Variants in C8orf34 observed in about 807,000 individuals in gnomAD.
C8orf34 encodes the protein chromosome 8 open reading frame 34.
C8orf34 carries 65 observed loss-of-function variants against 68.3 expected under a neutral mutation model. The observed-to-expected ratio is 0.95, with a 90% CI of 0.78 to 1.17. The LOEUF (loss-of-function observed/expected upper bound fraction) is 1.17. Ranked by LOEUF, C8orf34 falls within the 50% of genes most tolerant of loss-of-function variation. The pLI, the probability that C8orf34 is intolerant of heterozygous loss-of-function variation, is 0.00. For synonymous variants in C8orf34, 244 were observed against 241.2 expected, an observed-to-expected ratio of 1.01 and a Z score of -0.11; for missense variants, 664 against 655.4, an observed-to-expected ratio of 1.01 and a Z score of -0.14.
chr8:68,555,189 C>A (rs1288831407), intron 7 of C8orf34, among the ~76,000 whole-genome samples: 1 of 152,096 alleles, frequency 6.6e-6, no homozygotes, highest in African/African-American at 2.4e-5. Flanking sequence ...AGACAGAAAG[C>A]CATTGTTTCA....
chr8:68,590,008 A>T (rs1160231257), intron 7 of C8orf34, among the ~76,000 whole-genome samples: 1 of 151,224 alleles, frequency 6.6e-6, no homozygotes, highest in Non-Finnish European at 1.5e-5. Flanking sequence ...AAAATAAGAA[A>T]AAATTTTTAA....
intron 10 of C8orf34, among the ~76,000 whole-genome samples, chr8:68,734,836 G>A (rs1464876905): frequency 1.3e-5 from 2 of 152,118 alleles, no homozygotes; most frequent in Non-Finnish European, 2.9e-5. Flanking sequence ...CACTCTGGGC[G>A]GCCAGACCTT....
At chr8:68,387,832 T>C (rs147306987) in intron 1 of C8orf34, among the ~76,000 whole-genome samples, 32 of 152,258 alleles carry the variant, frequency 2.1e-4, no homozygotes, top group African/African-American at 7.5e-4. Flanking sequence ...CTCTACAGTG[T>C]TTTTTTCTTT....
intron 1 of C8orf34, among the ~76,000 whole-genome samples, chr8:68,424,047 C>A (rs955410399): frequency 1.3e-5 from 2 of 152,094 alleles, no homozygotes; most frequent in African/African-American, 4.8e-5. Context: ...CAGAGCCACA[C>A]CATATCACCT....
chr8:68,507,842 G>A (rs919892144), intron 5 of C8orf34, among the ~76,000 whole-genome samples: 1 of 152,088 alleles, frequency 6.6e-6, no homozygotes, highest in African/African-American at 2.4e-5. Context: ...TTCTTCTTAT[G>A]TGAAAAACTA....
chr8:68,472,328 C>A (rs1812415557), intron 4 of C8orf34, among the ~76,000 whole-genome samples: 1 of 152,174 alleles, frequency 6.6e-6, no homozygotes, highest in Admixed American at 6.6e-5. Flanking sequence ...TTGCCCCCAT[C>A]TCAATAGTCA....
chr8:68,543,132 A>G (rs1815754955), intron 7 of C8orf34, among the ~76,000 whole-genome samples: 1 of 152,100 alleles, frequency 6.6e-6, no homozygotes, highest in Non-Finnish European at 1.5e-5. Context: ...TCGATATTCA[A>G]ATATGCATAT....
At chr8:68,653,031 T>A (rs1319830249) in intron 8 of C8orf34, among the ~76,000 whole-genome samples, 1 of 152,336 alleles carries the variant, frequency 6.6e-6, no homozygotes, top group East Asian at 1.9e-4. Flanking sequence ...CAGAAAATTC[T>A]TTTTCTACTA....
chr8:68,790,121 A>G (rs1411893559), intron 12 of C8orf34, among the ~76,000 whole-genome samples: 6 of 152,210 alleles, frequency 3.9e-5, no homozygotes, highest in Non-Finnish European at 5.9e-5. Context: ...GCTTCCATCA[A>G]CCAGGTGCTG....
intron 10 of C8orf34, among the ~76,000 whole-genome samples, chr8:68,739,141 T>C (rs12550386): frequency 0.19 from 28,180 of 152,052 alleles, 2,864 homozygotes; most frequent in Middle Eastern, 0.3. Flanking sequence ...GTTCAACATA[T>C]GCAAATCAAT....
chr8:68,331,005 C>T lies in C8orf34; in HGVS notation c.-8C>T. ...GCGAGGGTGGGCGCGAGGCGGAGAA[C>T]GCGATGAATGAGTTCTCCCCTCGCC... On this transcript the variant is annotated 5_prime_UTR_variant, in exon 1 of 14. It adds an upstream start codon to the 5' untranslated region. Coordinates refer to ENST00000518698, the MANE Select transcript of C8orf34 (RefSeq NM_052958.4). The T allele has an allele frequency of 2.1e-6, 3 of 1,402,532 alleles. No individual in the cohort carries two copies. The highest frequency in any genetic ancestry group is 3.5e-5 in the Admixed American group (1 of 28,180). 86.9% of individuals were successfully genotyped at this position (1,402,532 alleles called of 1,614,324 possible).
intron 8 of C8orf34, among the ~76,000 whole-genome samples, chr8:68,675,027 T>G (rs1820138773): frequency 2.0e-5 from 3 of 152,106 alleles, no homozygotes; most frequent in Non-Finnish European, 2.9e-5. Context: ...AAGTGAAAAC[T>G]TTTACCCTAG....
At chr8:68,592,593 CTTCTTT>C (rs758124668) in intron 7 of C8orf34, among the ~76,000 whole-genome samples, 3,540 of 116,704 alleles carry the variant, frequency 0.03, 159 homozygotes, top group Non-Finnish European at 0.036. Context: ...CAATTTATCT[CTTCTTT>C]TTTTTTTTTT....
chr8:68,787,857 T>C (rs1823888572), intron 12 of C8orf34, among the ~76,000 whole-genome samples: 1 of 152,232 alleles, frequency 6.6e-6, no homozygotes, highest in Non-Finnish European at 1.5e-5. Context: ...TTATAATTAT[T>C]TTCAAAATTT....
intron 7 of C8orf34, among the ~76,000 whole-genome samples, chr8:68,629,417 A>G (rs942231704): frequency 6.6e-6 from 1 of 152,184 alleles, no homozygotes. Flanking sequence ...TTACGTTTCA[A>G]TACATTTCTT....
At chr8:68,782,125 T>C (rs1183926018) in intron 11 of C8orf34, among the ~76,000 whole-genome samples, 3 of 152,234 alleles carry the variant, frequency 2.0e-5, no homozygotes, top group African/African-American at 7.2e-5. Context: ...AGGAATCACT[T>C]CCGCAATTTC....
At chr8:68,401,076 T>C (rs1282256142) in intron 1 of C8orf34, among the ~76,000 whole-genome samples, 2 of 151,830 alleles carry the variant, frequency 1.3e-5, no homozygotes, top group East Asian at 1.9e-4. Context: ...CAGTTTTCCT[T>C]ATAGAGATCT....
At chr8:68,799,756 T>C (rs1824276289) in intron 12 of C8orf34, among the ~76,000 whole-genome samples, 1 of 152,324 alleles carries the variant, frequency 6.6e-6, no homozygotes, top group East Asian at 1.9e-4. Context: ...TTAGGCACAC[T>C]GTTTCTTAAG....
chr8:68,475,534 T>C (rs1044883404), intron 4 of C8orf34, among the ~76,000 whole-genome samples: 10 of 152,210 alleles, frequency 6.6e-5, no homozygotes, highest in African/African-American at 2.4e-4. Context: ...ACAAGCCTTC[T>C]GCTTTTTAAA....
Sources: gnomAD v4.1 joint callset for allele counts (sites outside exome capture counted in the v4.1 genomes callset) on GRCh38, gnomAD v4.1.1 for gene constraint, MANE v1.5 for transcripts, NCBI Gene and HGNC (gene_info 2026-07-23, HGNC 2026-07-21) for gene names.